The following TGFB2 variants were observed in gnomAD, a reference collection of about 807,000 sequenced individuals.
TGFB2 encodes the protein transforming growth factor beta 2, also known as transforming growth factor beta-2 proprotein.
In TGFB2, 13 loss-of-function variants were observed where a neutral mutation model predicts 42.7. That is an observed-to-expected ratio of 0.30 (90% CI 0.20 to 0.48). The LOEUF (loss-of-function observed/expected upper bound fraction) is 0.48, where lower values mean the gene tolerates loss of function less well. Ranked by LOEUF, TGFB2 falls within the 20% of genes least tolerant of loss-of-function variation. The pLI, the probability that TGFB2 is intolerant of heterozygous loss-of-function variation, is 0.99. For synonymous variants in TGFB2, 193 were observed against 193.6 expected (o/e 1.00, Z 0.03); for missense variants, 390 against 517.5 (o/e 0.75, Z 2.39).
At chr1:218,396,735 A>G (rs1219694744) in intron 1 of TGFB2, among the ~76,000 whole-genome samples, 2 of 152,136 alleles carry the variant, frequency 1.3e-5, no homozygotes, top group Non-Finnish European at 1.5e-5. Flanking sequence ...CTGGCTGTAC[A>G]TTTAAAATCA....
chr1:218,400,923 C>G (rs1350847224), intron 1 of TGFB2, among the ~76,000 whole-genome samples: 2 of 152,076 alleles, frequency 1.3e-5, no homozygotes, highest in African/African-American at 2.4e-5. Flanking sequence ...GGCAAGTGGA[C>G]AGGTGACAGG....
In TGFB2 at chr1:218,443,691, T is replaced by C. The variant is rs1428718142; in HGVS notation, c.*2329T>C. The stretch of plus-strand genomic sequence containing the variant: ...CTGATAATATTTTAAATGCTCTATT[T>C]TAAGATCTCTTGAATCTGTTTTTTT... On this transcript the variant is annotated 3_prime_UTR_variant, in exon 7 of 7. Coordinates refer to ENST00000366930, the MANE Select transcript of TGFB2 (RefSeq NM_003238.6). 6.7e-6 allele frequency: 1 copy of C among 148,968 alleles called. No individual in the cohort carries two copies. Among genetic ancestry groups the C allele is most frequent in the Non-Finnish European group, 1.5e-5 (1 of 67,698 alleles). The allele number at this position is 148,968 out of a possible 1,614,324, so 9.2% of individuals were successfully genotyped here.
intron 1 of TGFB2, among the ~76,000 whole-genome samples, chr1:218,388,478 GC>G (rs773373320): frequency 6.6e-6 from 1 of 152,182 alleles, no homozygotes; most frequent in South Asian, 2.1e-4. Context: ...TGGACCCGTG[GC>G]CCCCTCGCCC....
Position 218,403,203 on chromosome 1 carries a change from T to G in TGFB2, c.347-1966T>G, listed in dbSNP as rs186516193. 1.8e-3 allele frequency among the ~76,000 whole-genome samples: 269 copies of G among 147,730 alleles called. 1 individual carries two copies. The highest frequency in any genetic ancestry group is 7.8e-3 in the South Asian group (37 of 4,768). ...TGAAACCTGGATACTTTGGATTTTT[T>G]GGGGTTTTTTTGTTTGTTTGTTTGT... On this transcript the variant is annotated intron_variant, in intron 1 of 6. Coordinates refer to ENST00000366930, the MANE Select transcript of TGFB2 (RefSeq NM_003238.6).
Position 218,424,971 on chromosome 1 carries a change from G to T in TGFB2, c.511-9111G>T, listed in dbSNP as rs1213229844. 2.6e-5 allele frequency among the ~76,000 whole-genome samples: 4 copies of T among 152,306 alleles called. No homozygotes were observed. In the East Asian group the frequency reaches 7.7e-4, roughly 29 times the overall value. On this transcript the variant is annotated intron_variant, in intron 2 of 6. Coordinates refer to ENST00000366930, the MANE Select transcript of TGFB2 (RefSeq NM_003238.6). ...ATTGGAAAGGGTTTTAACAAGGATG[G>T]TGACACACCTTGAACTTTTGCCTTA...
At chr1:218,379,837 T>C (rs1224972221) in intron 1 of TGFB2, among the ~76,000 whole-genome samples, 1 of 152,204 alleles carries the variant, frequency 6.6e-6, no homozygotes, top group African/African-American at 2.4e-5. Flanking sequence ...AAATATCCAA[T>C]TGCATTTAAC....
chr1:218,393,909 CTTT>C (rs756984581), intron 1 of TGFB2, among the ~76,000 whole-genome samples: 1 of 137,092 alleles, frequency 7.3e-6, no homozygotes, highest in African/African-American at 2.7e-5. Flanking sequence ...GCATCGGCCT[CTTT>C]TTTTTTTTTT....
At chr1:218,421,055 C>T (rs749131387) in intron 2 of TGFB2, among the ~76,000 whole-genome samples, 27 of 152,028 alleles carry the variant, frequency 1.8e-4, no homozygotes, top group South Asian at 6.3e-4. Flanking sequence ...TGCAGTGTGT[C>T]GGTGTGGTAG....
chr1:218,441,144 C>T (rs138732848), intron 6 of TGFB2, 60 bp from the exon 7 acceptor site: 72 of 1,496,642 alleles, frequency 4.8e-5, no homozygotes, highest in African/African-American at 1.6e-4. Flanking sequence ...TTTTTAAAAA[C>T]GAATTGCGTT....
At chr1:218,391,473 C>A (rs1186328825) in intron 1 of TGFB2, among the ~76,000 whole-genome samples, 1 of 152,142 alleles carries the variant, frequency 6.6e-6, no homozygotes, top group East Asian at 1.9e-4. Flanking sequence ...ACTTGAAGAC[C>A]TTTGTTCCTT....
intron 2 of TGFB2, among the ~76,000 whole-genome samples, chr1:218,419,624 A>G (rs907849855): frequency 3.3e-5 from 5 of 152,340 alleles, no homozygotes; most frequent in Admixed American, 6.5e-5. Flanking sequence ...AGATTCAACT[A>G]TAAGGAATGT....
chr1:218,395,009 G>T (rs1658450727), intron 1 of TGFB2, among the ~76,000 whole-genome samples: 1 of 152,126 alleles, frequency 6.6e-6, no homozygotes, highest in Non-Finnish European at 1.5e-5. Context: ...GGGATGTCAG[G>T]AATGAGGGGC....
intron 2 of TGFB2, among the ~76,000 whole-genome samples, chr1:218,425,499 G>A: frequency 6.6e-6 from 1 of 152,086 alleles, no homozygotes. Flanking sequence ...GAGCCACCGT[G>A]CCCGACCTGG....
chr1:218,426,404 A>G (rs1571894037), intron 2 of TGFB2, among the ~76,000 whole-genome samples: 1 of 152,340 alleles, frequency 6.6e-6, no homozygotes, highest in African/African-American at 2.4e-5. Flanking sequence ...ATTGGGTAAC[A>G]TCAGTGACTT....
At position 218,370,735 on chromosome 1, in the gene TGFB2, G is replaced by A. The variant is rs78701305; in HGVS notation, c.346+23688G>A. Among the ~76,000 whole-genome samples, 1,030 of 152,236 alleles carry A rather than the reference G, an allele frequency of 6.8e-3. 5 individuals are homozygous for A. The highest frequency in any genetic ancestry group is 0.023 in the African/African-American group (963 of 41,504). On this transcript the variant is annotated intron_variant, in intron 1 of 6. Coordinates refer to ENST00000366930, the MANE Select transcript of TGFB2 (RefSeq NM_003238.6). ...CTGTTCCATGAGCTCTTTATTCCAG[G>A]ACCAGGGCTTAGGGAGCAGCCCCTA... is the stretch of plus-strand genomic sequence containing the variant.
intron 1 of TGFB2, among the ~76,000 whole-genome samples, chr1:218,356,077 C>T (rs1657023032): frequency 6.6e-6 from 1 of 152,046 alleles, no homozygotes; most frequent in Admixed American, 6.6e-5. Flanking sequence ...GTTAGGAGCC[C>T]ATCTGTGGAA....
At chr1:218,382,634 A>C (rs1658002277) in intron 1 of TGFB2, among the ~76,000 whole-genome samples, 2 of 152,234 alleles carry the variant, frequency 1.3e-5, no homozygotes, top group Non-Finnish European at 2.9e-5. Flanking sequence ...CTTACTTCAC[A>C]GTACCACCAT....
chr1:218,353,135 G>A (rs547150851), intron 1 of TGFB2, among the ~76,000 whole-genome samples: 1 of 152,294 alleles, frequency 6.6e-6, no homozygotes, highest in South Asian at 2.1e-4. Flanking sequence ...AGAGGGTCTG[G>A]ATTTTAGGGA....
rs1439836571 is a variant in TGFB2 at position 218,346,397 on chromosome 1, C to A, written c.-305C>A. On this transcript the variant is annotated 5_prime_UTR_variant, in exon 1 of 7. Transcript: ENST00000366930. The surrounding 1 kb of genome is among the most constrained non-coding windows in gnomAD (Gnocchi z 4.9). ...ATTTCTACTTAATAGCCACTCGTCTCTTTTTTTCCCCATCTCATTGCTCCA... is the reference window on the plus strand; with the variant it reads ...ATTTCTACTTAATAGCCACTCGTCTATTTTTTTCCCCATCTCATTGCTCCA... 3.3e-6 allele frequency: 1 copy of A among 303,776 alleles called. No individual in the cohort carries two copies. The highest frequency in any genetic ancestry group is 6.0e-6 in the Non-Finnish European group (1 of 167,876). The allele number at this position is 303,776 out of a possible 1,614,324, so 18.8% of individuals were successfully genotyped here.
Sources: allele counts gnomAD v4.1 joint callset (sites outside exome capture counted in the v4.1 genomes callset), GRCh38; gene constraint gnomAD v4.1.1; non-coding constraint Gnocchi (gnomAD v3.1); transcripts MANE v1.5; gene names NCBI Gene and HGNC (gene_info 2026-07-23, HGNC 2026-07-21).